ZNF345: variants seen among roughly 807,000 people sequenced by gnomAD.
The protein encoded by ZNF345 is zinc finger protein 345, also known as zinc finger protein HZF10.
For missense variants in ZNF345, 527 were observed against 589.9 expected (o/e 0.89, Z 1.10); for synonymous variants, 166 against 187.9 (o/e 0.88, Z 0.95).
intron 3 of ZNF345, among the ~76,000 whole-genome samples, chr19:36,886,284 G>A (rs2072995946): frequency 6.6e-6 from 1 of 152,126 alleles, no homozygotes; most frequent in Non-Finnish European, 1.5e-5. Flanking sequence ...GACTTCCAAA[G>A]ATGACTGTAT....
chr19:36,880,326 AAAAT>A (rs780116751), downstream of ZNF345, among the ~76,000 whole-genome samples: 1 of 152,178 alleles, frequency 6.6e-6, no homozygotes, highest in Non-Finnish European at 1.5e-5. Context: ...GAACAAAATA[AAAAT>A]AAATAAATAA....
intron 2 of ZNF345, 34 bp from the exon 3 acceptor site, chr19:36,876,751 A>C (rs2072888580): frequency 7.1e-7 from 1 of 1,413,284 alleles, no homozygotes; most frequent in Non-Finnish European, 9.6e-7. Flanking sequence ...CAGAACACAA[A>C]AAAGTGAATG....
intron 2 of ZNF345, among the ~76,000 whole-genome samples, chr19:36,863,800 T>C (rs2072604677): frequency 6.6e-6 from 1 of 152,226 alleles, no homozygotes; most frequent in Non-Finnish European, 1.5e-5. Context: ...AGTCCTTATA[T>C]CATTACTGCC....
At chr19:36,883,991 C>T (rs1273109252), downstream of ZNF345, among the ~76,000 whole-genome samples, 1 of 152,194 alleles carries the variant, frequency 6.6e-6, no homozygotes, top group African/African-American at 2.4e-5. Flanking sequence ...TGGGACTTGT[C>T]ATGACTACCC....
downstream of ZNF345, among the ~76,000 whole-genome samples, chr19:36,881,918 G>A (rs1014786884): frequency 6.6e-6 from 1 of 151,750 alleles, no homozygotes; most frequent in African/African-American, 2.4e-5. Context: ...TTTCAAATTC[G>A]TTGATATTGG....
At chr19:36,854,859 CT>C (rs34921305) in intron 2 of ZNF345, among the ~76,000 whole-genome samples, 184 of 138,366 alleles carry the variant, frequency 1.3e-3, no homozygotes, top group Middle Eastern at 3.7e-3. Flanking sequence ...CTTTTCTTTT[CT>C]TTTTTTTTTT....
At chr19:36,855,890 A>T (rs891537281) in intron 2 of ZNF345, among the ~76,000 whole-genome samples, 7 of 152,184 alleles carry the variant, frequency 4.6e-5, no homozygotes, top group African/African-American at 7.2e-5. Context: ...TTGGGAAAAA[A>T]GTCATCTCAG....
In ZNF345 at chr19:36,877,588, C is replaced by T; in HGVS notation, c.758C>T (p.Thr253Ile). ...CTTACTCGGCATCAGAGAATTCATA[C>T]CGGTGAGAAACCATATATATGTAAT... The part of the protein sequence containing the change: ...SALTRHQRIH[T>I]GEKPYICNEC... Residue 253 changes from threonine (T) to isoleucine (I), a missense_variant, in exon 3 of 3, where the codon ACC becomes ATC. Thr to Ile is a moderately conservative substitution (Grantham distance 89). Transcript: ENST00000420450. 1 of 1,614,032 alleles carries T rather than the reference C, an allele frequency of 6.2e-7. No individual in the cohort carries two copies. The highest frequency in any genetic ancestry group is 2.2e-5 in the East Asian group (1 of 44,856).
intron 2 of ZNF345, among the ~76,000 whole-genome samples, chr19:36,863,173 C>A (rs2072589558): frequency 6.6e-6 from 1 of 152,150 alleles, no homozygotes; most frequent in Non-Finnish European, 1.5e-5. Flanking sequence ...CCTCCTGGGT[C>A]ATACTATATA....
At position 36,892,724 on chromosome 19, in the gene ZNF345, TA is replaced by T. The variant is rs1045435806; in HGVS notation, c.47-92del. 2.2e-4 allele frequency: 127 copies of T among 565,748 alleles called. No homozygotes were observed. The African/African-American group carries it at 2.3e-3, about 10-fold the overall frequency. 35.0% of individuals were successfully genotyped at this position (565,748 alleles called of 1,614,324 possible). ...ATTTTGGTCTGAACCAGAGTCACCT[TA>T]AGCCTTGGTGAATACACAGTGTTCA... On this transcript the variant is annotated intron_variant, in intron 3 of 3. Coordinates refer to the ZNF345 transcript ENST00000526123.
chr19:36,885,002 A>C (rs565741761), intron 3 of ZNF345, among the ~76,000 whole-genome samples: 41 of 152,304 alleles, frequency 2.7e-4, no homozygotes, highest in African/African-American at 9.6e-4. Flanking sequence ...AGTATACTTC[A>C]GAATGGAATT....
At chr19:36,860,200 G>T (rs1329487902) in intron 2 of ZNF345, among the ~76,000 whole-genome samples, 1 of 152,022 alleles carries the variant, frequency 6.6e-6, no homozygotes, top group African/African-American at 2.4e-5. Context: ...CTCGTGATCC[G>T]CCTGCCTTGG....
intron 2 of ZNF345, among the ~76,000 whole-genome samples, chr19:36,872,192 TG>T (rs1355916240): frequency 1.4e-4 from 22 of 152,234 alleles, no homozygotes; most frequent in Admixed American, 1.2e-3. Context: ...TAAATATATT[TG>T]GCAAGCATAC....
At chr19:36,864,642 T>C (rs2072621539) in intron 2 of ZNF345, among the ~76,000 whole-genome samples, 1 of 152,096 alleles carries the variant, frequency 6.6e-6, no homozygotes, top group Admixed American at 6.6e-5. Flanking sequence ...CCGTGGCTCA[T>C]TGAATGACAG....
chr19:36,873,714 A>G (rs1007951385), intron 2 of ZNF345, among the ~76,000 whole-genome samples: 1 of 149,592 alleles, frequency 6.7e-6, no homozygotes, highest in South Asian at 2.1e-4. Flanking sequence ...TACATTCTAC[A>G]TATAAGTGAG....
intron 2 of ZNF345, among the ~76,000 whole-genome samples, chr19:36,871,901 G>A (rs887287783): frequency 3.3e-5 from 5 of 152,042 alleles, no homozygotes; most frequent in Admixed American, 2.0e-4. Context: ...CCTAGTAGCT[G>A]GGATTACAGG....
intron 3 of ZNF345, chr19:36,890,582 T>C (rs1415959018): frequency 6.6e-6 from 1 of 151,884 alleles, no homozygotes; most frequent in African/African-American, 2.4e-5. Flanking sequence ...GGCTCACGTC[T>C]GTAATCCCAG....
At chr19:36,883,307 G>C (rs144172367), downstream of ZNF345, among the ~76,000 whole-genome samples, 1 of 152,088 alleles carries the variant, frequency 6.6e-6, no homozygotes, top group East Asian at 1.9e-4. Flanking sequence ...GTAGCTACTC[G>C]TCATGGTCAT....
At chr19:36,859,066 C>A (rs7249016) in intron 2 of ZNF345, among the ~76,000 whole-genome samples, 2,566 of 150,786 alleles carry the variant, frequency 0.017, 81 homozygotes, top group African/African-American at 0.059. Context: ...CATACACATA[C>A]CACGTTTAAT....
Sources: allele counts gnomAD v4.1 joint callset (sites outside exome capture counted in the v4.1 genomes callset), GRCh38; gene constraint gnomAD v4.1.1; transcripts MANE v1.5; gene names NCBI Gene and HGNC (gene_info 2026-07-23, HGNC 2026-07-21).